The following COPB1 variants were observed in gnomAD, a reference collection of about 807,000 sequenced individuals.
The protein encoded by COPB1 is coat protein complex I subunit beta 1.
In COPB1, 21 loss-of-function variants were observed where a neutral mutation model predicts 108.7. That is an observed-to-expected ratio of 0.19 (90% CI 0.14 to 0.28). The LOEUF is 0.28. COPB1 is among the 10% of genes least tolerant of loss of function. COPB1 has a pLI of 1.00. For synonymous variants in COPB1, 378 were observed against 386.8 expected (o/e 0.98, Z 0.27); for missense variants, 919 against 1,141.3 (o/e 0.81, Z 2.81).
In COPB1 at chr11:14,464,906, C is replaced by T; in HGVS notation, c.2410+5G>A. 1.2e-6 allele frequency: 2 copies of T among 1,611,976 alleles called. No individual in the cohort carries two copies. The highest frequency in any genetic ancestry group is 1.7e-6 in the Non-Finnish European group (2 of 1,179,220). On this transcript the variant is annotated splice_donor_5th_base_variant and intron_variant, in intron 18 of 21. Transcript: ENST00000439561. ...AACATTACATGCCATAAAACAGCACCTTACCTATATTACCAAAAATTATTC... is the reference window on the plus strand; with the variant it reads ...AACATTACATGCCATAAAACAGCACTTTACCTATATTACCAAAAATTATTC...
intron 11 of COPB1, 25 bp from the exon 12 acceptor site, chr11:14,477,040 A>G: frequency 1.4e-6 from 2 of 1,431,724 alleles, no homozygotes; most frequent in Non-Finnish European, 2.0e-6. Flanking sequence ...GATCTGAAAC[A>G]TGAACTTGGC....
intron 11 of COPB1, 147 bp downstream of exon 11, chr11:14,479,422 T>G: frequency 1.6e-6 from 1 of 621,252 alleles, no homozygotes; most frequent in Non-Finnish European, 2.6e-6. Flanking sequence ...TAAATGAGAG[T>G]GGAGTTAGCG....
intron 4 of COPB1, 91 bp from the exon 5 acceptor site, chr11:14,490,770 C>A: frequency 1.1e-5 from 7 of 662,726 alleles, no homozygotes; most frequent in Non-Finnish European, 1.5e-5. Flanking sequence ...TAAATTTAAT[C>A]AAACTTTACA....
chr11:14,476,516 C>T (rs940886736), intron 12 of COPB1, among the ~76,000 whole-genome samples: 2 of 152,172 alleles, frequency 1.3e-5, no homozygotes, highest in African/African-American at 4.8e-5. Flanking sequence ...GTGAAAAACA[C>T]TGATGTCAAG....
At chr11:14,465,446 C>T (rs1002711310) in intron 17 of COPB1, among the ~76,000 whole-genome samples, 1 of 152,160 alleles carries the variant, frequency 6.6e-6, no homozygotes, top group African/African-American at 2.4e-5. Context: ...GATCCTCCTA[C>T]CTCAGCCTCC....
intron 17 of COPB1, 122 bp from the exon 18 acceptor site, chr11:14,465,152 G>A: frequency 3.2e-6 from 4 of 1,245,504 alleles, no homozygotes; most frequent in South Asian, 2.1e-5. Flanking sequence ...ATAGTTTCTA[G>A]GAAAATAAGG....
intron 18 of COPB1, 52 bp from the exon 19 acceptor site, chr11:14,461,383 T>A: frequency 6.4e-7 from 1 of 1,574,798 alleles, no homozygotes; most frequent in Non-Finnish European, 8.7e-7. Flanking sequence ...AACTTGAATT[T>A]AAAAAATCTT....
At chr11:14,477,109 G>A in intron 11 of COPB1, 94 bp from the exon 12 acceptor site, 1 of 910,974 alleles carries the variant, frequency 1.1e-6, no homozygotes, top group Non-Finnish European at 1.8e-6. Flanking sequence ...AAAAACAAGG[G>A]CCAGGCACTC....
intron 20 of COPB1, among the ~76,000 whole-genome samples, chr11:14,458,941 T>G (rs1850084699): frequency 6.6e-6 from 1 of 152,162 alleles, no homozygotes; most frequent in Non-Finnish European, 1.5e-5. Flanking sequence ...CTAATTTTTG[T>G]AATTTTAGTA....
chr11:14,479,709 C>T lies in COPB1; in HGVS notation c.1218G>A (p.Met406Ile). The T allele has an allele frequency of 6.5e-7, 1 of 1,545,000 alleles. No individual in the cohort carries two copies. The highest frequency in any genetic ancestry group is 8.7e-7 in the Non-Finnish European group (1 of 1,151,776). ...CTTCGTTGTTGTCACTGAGAAATTC[C>T]ATTAACTAAAAGAAAAAAAAAAAAA... ...DMAANVIPVL[M>I]EFLSDNNEAA... The change falls in exon 11 of 22, where the codon ATG becomes ATA. Residue 406 changes from methionine to isoleucine, a missense_variant. Met to Ile is a conservative substitution (Grantham distance 10, BLOSUM62 1). This residue lies in a region of COPB1 where 705 missense variants were observed against 817.8 expected (regional missense o/e 0.86). Transcript: ENST00000439561.
intron 8 of COPB1, 34 bp from the exon 9 acceptor site, chr11:14,481,131 A>T: frequency 6.6e-7 from 1 of 1,518,886 alleles, no homozygotes; most frequent in East Asian, 2.3e-5. Flanking sequence ...AATTAACACC[A>T]ATCTTTCTGG....
chr11:14,498,484 T>C lies in COPB1; in HGVS notation c.91+354A>G, dbSNP rs149035232. On this transcript the variant is annotated intron_variant, in intron 2 of 21. Coordinates refer to ENST00000439561, the MANE Select transcript of COPB1 (RefSeq NM_001144061.2). ...TTTTGGTTTTACAAGCTAAGTAACA[T>C]GAAGTTAAGTGCACGATGGAATTAA... Among the ~76,000 whole-genome samples the C allele has an allele frequency of 7.4e-3, 1,121 of 152,336 alleles. 10 individuals are homozygous for C. The highest frequency in any genetic ancestry group is 7.6e-3 in the Non-Finnish European group (519 of 68,032).
At chr11:14,475,662 T>G (rs1023194394) in intron 13 of COPB1, 123 bp downstream of exon 13, 5 of 1,030,800 alleles carry the variant, frequency 4.9e-6, no homozygotes, top group Non-Finnish European at 6.6e-6. Context: ...CTCAAGTACC[T>G]TAAATGGCAA....
At chr11:14,465,970 T>G (rs1850272271) in intron 17 of COPB1, among the ~76,000 whole-genome samples, 1 of 152,188 alleles carries the variant, frequency 6.6e-6, no homozygotes, top group East Asian at 1.9e-4. Context: ...AATTAGAAAT[T>G]AACTAAGTGA....
At chr11:14,463,253 C>T (rs1038083016) in intron 18 of COPB1, among the ~76,000 whole-genome samples, 10 of 152,070 alleles carry the variant, frequency 6.6e-5, no homozygotes, top group African/African-American at 2.4e-4. Flanking sequence ...GTCTGTATGC[C>T]CTCTCTGGGT....
In COPB1 at chr11:14,466,408, AACCTGTCAATTGGGTG is replaced by A; in HGVS notation, c.2148_2163del (p.Thr717SerfsTer25). On this transcript the variant is annotated frameshift_variant and splice_region_variant, in exon 17 of 22. Coordinates refer to ENST00000439561, the MANE Select transcript of COPB1 (RefSeq NM_001144061.2). LOFTEE classifies it high-confidence loss of function. ...GCTTCTGCATATACAGGATCTGAGAAACCTGTCAATTGGGTGACCTGTCAAAACAAAAACAAAGACA... is the reference window on the plus strand; with the variant it reads ...GCTTCTGCATATACAGGATCTGAGAAACCTGTCAAAACAAAAACAAAGACA... 6.2e-7 allele frequency: 1 copy of A among 1,611,524 alleles called. No individual in the cohort carries two copies. Among genetic ancestry groups the A allele is most frequent in the East Asian group, 2.2e-5 (1 of 44,820 alleles).
Position 14,461,264 on chromosome 11 carries a change from G to T in COPB1, c.2478C>A (p.Ile826=), listed in dbSNP as rs1850142829. ...AAGTTGCAGGCTGGATATAGTCCAT[G>T]ATGTCGATGTGAATATCACTGAGAA... ...CVVLSDIHID[I]MDYIQPATCT... Residue 826 remains isoleucine, a synonymous_variant, in exon 19 of 22, where the codon ATC becomes ATA. Coordinates refer to ENST00000439561, the MANE Select transcript of COPB1 (RefSeq NM_001144061.2). The T allele has an allele frequency of 6.2e-7, 1 of 1,614,166 alleles. No homozygotes were observed. The highest frequency in any genetic ancestry group is 8.5e-7 in the Non-Finnish European group (1 of 1,180,020).
At chr11:14,498,038 G>A (rs532826871) in intron 2 of COPB1, among the ~76,000 whole-genome samples, 37 of 152,322 alleles carry the variant, frequency 2.4e-4, no homozygotes, top group Admixed American at 2.0e-3. Context: ...ATCAGAGGTG[G>A]GAAGGGTAGT....
At chr11:14,475,172 T>C (rs1660963121) in intron 13 of COPB1, among the ~76,000 whole-genome samples, 1 of 144,572 alleles carries the variant, frequency 6.9e-6, no homozygotes, top group Admixed American at 6.9e-5. Context: ...AAAGATACAA[T>C]ATTTAATTAG....
Sources: gnomAD v4.1 joint callset for allele counts (sites outside exome capture counted in the v4.1 genomes callset) on GRCh38, gnomAD v4.1.1 for gene constraint, gnomAD v4.1.1 regional missense constraint, MANE v1.5 for transcripts, NCBI Gene and HGNC (gene_info 2026-07-23, HGNC 2026-07-21) for gene names.